Variants in ZNF625 observed in about 807,000 individuals in gnomAD.
The protein encoded by ZNF625 is zinc finger protein 625.
Under a neutral mutation model 11.1 loss-of-function variants are expected in ZNF625, and 8 were observed. The observed-to-expected ratio is 0.72, with a 90% CI of 0.42 to 1.30. The LOEUF is 1.30. Among genes scored for constraint, ZNF625 ranks in the 50% most tolerant of loss-of-function variants. The probability of loss-of-function intolerance (pLI) is 0.01; values close to 1 mark genes in which losing one functional copy is unlikely to be tolerated. For missense variants in ZNF625, 349 were observed against 447.6 expected (o/e 0.78, Z 1.99); for synonymous variants, 145 against 153.4 (o/e 0.95, Z 0.41).
At chr19:12,151,121 A>G (rs1976948275) in intron 1 of ZNF625, among the ~76,000 whole-genome samples, 2 of 151,564 alleles carry the variant, frequency 1.3e-5, no homozygotes, top group Admixed American at 6.6e-5. Flanking sequence ...TATAGCAAGC[A>G]GTATTCTCAT....
chr19:12,147,619 C>A, intron 2 of ZNF625, 57 bp downstream of exon 2: 2 of 1,611,826 alleles, frequency 1.2e-6, no homozygotes, highest in South Asian at 2.2e-5. Context: ...ACACTACTGA[C>A]AAGCTAGAAA....
At chr19:12,150,106 T>A (rs1420157876) in intron 1 of ZNF625, among the ~76,000 whole-genome samples, 1 of 152,170 alleles carries the variant, frequency 6.6e-6, no homozygotes, top group Non-Finnish European at 1.5e-5. Flanking sequence ...TGAAAAGTAT[T>A]CATAAACAAA....
chr19:12,146,044 T>A lies in ZNF625; in HGVS notation c.372A>T (p.Pro124=). ...RHHRADTGHK[P]YEYQEYGQKP... ...TCTGTCCATATTCCTGATACTCATA[T>A]GGCTTGTGTCCAGTGTCAGCTCTGT... Residue 124 remains proline, a synonymous_variant, in exon 4 of 4, where the codon CCA becomes CCT. Coordinates refer to ENST00000439556, the MANE Select transcript of ZNF625 (RefSeq NM_145233.4). 1.9e-6 allele frequency: 3 copies of A among 1,614,210 alleles called. No homozygotes were observed. Among genetic ancestry groups the A allele is most frequent in the Non-Finnish European group, 1.7e-6 (2 of 1,180,036 alleles).
At chr19:12,147,499 A>G (rs1349072730) in intron 2 of ZNF625, 44 bp from the exon 3 acceptor site, 4 of 1,507,288 alleles carry the variant, frequency 2.7e-6, no homozygotes, top group South Asian at 1.2e-5. Context: ...TAGCAAAATT[A>G]TGAAAAAAGT....
chr19:12,154,083 A>T (rs920195039), intron 1 of ZNF625, among the ~76,000 whole-genome samples: 5 of 152,222 alleles, frequency 3.3e-5, no homozygotes, highest in Admixed American at 2.6e-4. Context: ...CTGGGATTAT[A>T]GGCGTGAGCC....
chr19:12,146,325 G>A, intron 3 of ZNF625, 101 bp from the exon 4 acceptor site: 2 of 1,126,494 alleles, frequency 1.8e-6, no homozygotes, highest in Non-Finnish European at 1.3e-6. Context: ...GTACAGCAAT[G>A]TGTAGGCTTT....
chr19:12,147,399 G>C lies in ZNF625; in HGVS notation c.187C>G (p.Leu63Val), dbSNP rs1486305768. ...TCTCTTGTGAATGCGAATTACCTTA[G>C]GTTTCTCCTGGGATTTTTGTACTCA... The part of the protein sequence containing the change: ...EDEYKNPRRN[L>V]RGLMGERLLE... The change falls in exon 3 of 4, where the codon CTA becomes GTA. Residue 63 changes from leucine to valine, a missense_variant. Physicochemically the swap from Leu to Val is conservative, Grantham distance 32. Coordinates refer to ENST00000439556, the MANE Select transcript of ZNF625 (RefSeq NM_145233.4). 33 of 1,534,664 alleles carry C rather than the reference G, an allele frequency of 2.2e-5. No individual in the cohort carries two copies. The highest frequency in any genetic ancestry group is 2.8e-5 in the Non-Finnish European group (32 of 1,144,802).
intron 2 of ZNF625, 84 bp downstream of exon 2, chr19:12,147,592 A>T (rs528124005): frequency 6.3e-7 from 1 of 1,598,684 alleles, no homozygotes; most frequent in Non-Finnish European, 8.6e-7. Context: ...TTCCCTGTCC[A>T]CACTCCAAAT....
chr19:12,145,228 T>G lies in ZNF625; in HGVS notation c.*69A>C. ...AGCTTCAGAATAATTTTGCGATGGTTCCCATGATTTGAGGGAAACACATTT... is the reference window on the plus strand; with the variant it reads ...AGCTTCAGAATAATTTTGCGATGGTGCCCATGATTTGAGGGAAACACATTT... On this transcript the variant is annotated 3_prime_UTR_variant, in exon 4 of 4. Transcript: ENST00000439556. 6.8e-7 allele frequency: 1 copy of G among 1,472,376 alleles called. No individual in the cohort carries two copies. 91.2% of individuals were successfully genotyped at this position (1,472,376 alleles called of 1,614,324 possible). A position where few individuals can be genotyped will look rare whatever the true frequency, so the allele number is the denominator to read the frequency against.
intron 1 of ZNF625, among the ~76,000 whole-genome samples, chr19:12,154,086 C>T (rs750209648): frequency 1.8e-4 from 28 of 152,058 alleles, no homozygotes; most frequent in Non-Finnish European, 3.8e-4. Flanking sequence ...GGATTATAGG[C>T]GTGAGCCACC....
At chr19:12,149,178 A>C (rs7248932) in intron 1 of ZNF625, among the ~76,000 whole-genome samples, 2 of 150,592 alleles carry the variant, frequency 1.3e-5, no homozygotes, top group African/African-American at 2.4e-5. Context: ...CCAGCTACTC[A>C]GGAGGCTGAG....
chr19:12,150,478 C>T (rs529859727), intron 1 of ZNF625, among the ~76,000 whole-genome samples: 3 of 152,286 alleles, frequency 2.0e-5, no homozygotes, highest in Admixed American at 1.3e-4. Context: ...TCAGCTTTCT[C>T]TTCTGTAACC....
intron 3 of ZNF625, 126 bp downstream of exon 3, chr19:12,147,269 A>T: frequency 1.1e-6 from 1 of 881,318 alleles, no homozygotes; most frequent in Non-Finnish European, 1.7e-6. Flanking sequence ...AGCCGGCCCT[A>T]GAGAAAATTT....
chr19:12,145,892 C>G lies in ZNF625; in HGVS notation c.524G>C (p.Arg175Pro). Reference protein sequence around the residue: ...CEECGKSFISRSSIRRHRIMH... With the variant: ...CEECGKSFISPSSIRRHRIMH... ...TATCCTGTGTCTTCGAATGCTTGAA[C>G]GGGAAATAAAGCTTTTTCCACATTC... Residue 175 changes from arginine (R) to proline (P), a missense_variant, in exon 4 of 4, where the codon CGT (arginine) becomes CCT (proline). By Grantham distance (103) the Arg-to-Pro change is moderately radical. Transcript: ENST00000439556. The G allele has an allele frequency of 1.2e-6, 2 of 1,614,056 alleles. No homozygotes were observed. The highest frequency in any genetic ancestry group is 1.7e-6 in the Non-Finnish European group (2 of 1,179,986).
chr19:12,147,860 A>G, intron 1 of ZNF625, 58 bp from the exon 2 acceptor site: 2 of 1,594,442 alleles, frequency 1.3e-6, no homozygotes, highest in Non-Finnish European at 1.7e-6. Context: ...CTGGGTTCCT[A>G]TACTCTATTC....
At position 12,147,452 on chromosome 19, in the gene ZNF625, T is replaced by A; in HGVS notation, c.134A>T (p.Lys45Ile). Residue 45 changes from lysine (K) to isoleucine (I), a missense_variant, in exon 3 of 4, where the codon AAA becomes ATA. By Grantham distance (102) the Lys-to-Ile change is moderately radical. Coordinates refer to ENST00000439556, the MANE Select transcript of ZNF625 (RefSeq NM_145233.4). ...ETFRNLASVGKKWKDQKIEDE... is the reference protein window; with the variant it reads ...ETFRNLASVGIKWKDQKIEDE... ...TTCAATTTTCTGATCTTTCCATTTT[T>A]TTCCTAAAATACAGAACCAGAAAAA... 6.5e-7 allele frequency: 1 copy of A among 1,531,550 alleles called. No homozygotes were observed. Among genetic ancestry groups the A allele is most frequent in the Non-Finnish European group, 8.7e-7 (1 of 1,144,256 alleles). 94.9% of individuals were successfully genotyped at this position (1,531,550 alleles called of 1,614,324 possible).
At position 12,146,241 on chromosome 19, in the gene ZNF625, G is replaced by C; in HGVS notation, c.192-17C>G. On this transcript the variant is annotated splice_polypyrimidine_tract_variant and intron_variant, in intron 3 of 3. Transcript: ENST00000439556. ...ATAAGACCTCTGTGAACAATGAGAA[G>C]TATATCATAATGGGTTCCTTTATCA... is the stretch of plus-strand genomic sequence containing the variant. The C allele has an allele frequency of 6.2e-7, 1 of 1,602,834 alleles. No individual in the cohort carries two copies. The highest frequency in any genetic ancestry group is 8.5e-7 in the Non-Finnish European group (1 of 1,174,556).
chr19:12,146,368 G>C (rs1017825687), intron 3 of ZNF625, 144 bp from the exon 4 acceptor site: 11 of 724,650 alleles, frequency 1.5e-5, no homozygotes, highest in East Asian at 2.6e-5. Flanking sequence ...GACCACACAT[G>C]CTCTACAAGA....
At chr19:12,147,632 C>G (rs1344916952) in intron 2 of ZNF625, 44 bp downstream of exon 2, 6 of 1,613,044 alleles carry the variant, frequency 3.7e-6, no homozygotes, top group Admixed American at 1.7e-5. Context: ...GCTAGAAACA[C>G]TTGTTCTCTA....
Sources: allele counts gnomAD v4.1 joint callset (sites outside exome capture counted in the v4.1 genomes callset), GRCh38; gene constraint gnomAD v4.1.1; transcripts MANE v1.5; gene names NCBI Gene and HGNC (gene_info 2026-07-23, HGNC 2026-07-21).